Variants in TLE6 observed in about 807,000 individuals in gnomAD.
TLE6 encodes TLE family member 6, subcortical maternal complex member.
A neutral mutation model predicts 77.1 loss-of-function variants in TLE6; 72 were observed. The ratio of observed to expected loss-of-function variants is 0.93; its 90% CI spans 0.77 to 1.14. TLE6 has a LOEUF of 1.14. TLE6 is among the 50% of genes most tolerant of loss of function. The pLI, the probability that TLE6 is intolerant of heterozygous loss-of-function variation, is 0.00. For synonymous variants in TLE6, 366 were observed against 287.3 expected (o/e 1.27, Z -2.77); for missense variants, 843 against 747.6 (o/e 1.13, Z -1.49).
chr19:2,994,234 G>A, intron 16 of TLE6, 139 bp downstream of exon 16: 1 of 675,500 alleles, frequency 1.5e-6, no homozygotes, highest in Non-Finnish European at 2.5e-6. Context: ...CCAGCATTTT[G>A]GGAGGCTGAG....
chr19:2,991,044 ATATG>A (rs1160486456), intron 13 of TLE6, among the ~76,000 whole-genome samples: 15 of 149,212 alleles, frequency 1.0e-4, no homozygotes, highest in South Asian at 8.4e-4. Context: ...ATACATACAT[ATATG>A]TATACACACA....
Position 2,979,889 on chromosome 19 carries a change from G to A in TLE6, c.52-211G>A, listed in dbSNP as rs1481784299. ...TGAGGCAGGAGAATCGCTTGAACCC[G>A]GGAGGCAGAGTTTGCAGTGAGCTGA... On this transcript the variant is annotated intron_variant, in intron 2 of 16. Transcript: ENST00000246112. Among the ~76,000 whole-genome samples the A allele has an allele frequency of 1.1e-4, 16 of 150,560 alleles. No individual in the cohort carries two copies. In the Admixed American group the frequency reaches 1.1e-3, roughly 10 times the overall value.
At chr19:2,991,087 G>C (rs1236437374) in intron 13 of TLE6, among the ~76,000 whole-genome samples, 2 of 150,886 alleles carry the variant, frequency 1.3e-5, no homozygotes, top group African/African-American at 4.9e-5. Context: ...AAATAGGCTG[G>C]GCATGGTGGC....
chr19:2,985,042 G>A (rs1405545355), intron 5 of TLE6, among the ~76,000 whole-genome samples: 1 of 151,766 alleles, frequency 6.6e-6, no homozygotes, highest in Non-Finnish European at 1.5e-5. Flanking sequence ...CCTGACGTCA[G>A]GAGTTCGAGA....
At chr19:2,983,132 A>G (rs1376882135) in intron 5 of TLE6, among the ~76,000 whole-genome samples, 1 of 152,112 alleles carries the variant, frequency 6.6e-6, no homozygotes. Context: ...GCAACTTAGC[A>G]GGGCCTGGGA....
chr19:2,994,320 A>G (rs538786475), intron 16 of TLE6, among the ~76,000 whole-genome samples: 6 of 152,002 alleles, frequency 3.9e-5, no homozygotes, highest in Non-Finnish European at 8.8e-5. Context: ...TACAAAAAAT[A>G]ATTAGCTGAG....
chr19:2,993,324 A>G, intron 14 of TLE6, 108 bp from the exon 15 acceptor site: 1 of 1,196,792 alleles, frequency 8.4e-7, no homozygotes, highest in Non-Finnish European at 1.1e-6. Context: ...CACAGCTAGG[A>G]AGGGGTCAGT....
chr19:2,987,172 C>T lies in TLE6; in HGVS notation c.475C>T (p.Leu159=). Residue 159 remains leucine, a synonymous_variant, in exon 7 of 17, where the codon CTG becomes TTG. Coordinates refer to ENST00000246112, the MANE Select transcript of TLE6 (RefSeq NM_001143986.2). The part of the protein sequence containing the change: ...DKEPWFWHDT[L]TEQLWRIFAG... ...GGAGCCTTGGTTTTGGCACGACACT[C>T]TGACCGAGCAACTCTGGCGGATTTT... 6.2e-7 allele frequency: 1 copy of T among 1,614,106 alleles called. No individual in the cohort carries two copies. Among genetic ancestry groups the T allele is most frequent in the Non-Finnish European group, 8.5e-7 (1 of 1,180,034 alleles).
At chr19:2,979,557 A>T (rs114257226) in intron 2 of TLE6, among the ~76,000 whole-genome samples, 5,758 of 151,962 alleles carry the variant, frequency 0.038, 391 homozygotes, top group African/African-American at 0.13. Flanking sequence ...TTTTATTTTT[A>T]AAAATATTTT....
rs780132274 is a variant in TLE6, at chr19:2,988,158, G to A, written c.740+30G>A. The A allele has an allele frequency of 4.1e-5, 64 of 1,549,758 alleles. 1 individual carries two copies. In the South Asian group the frequency reaches 5.1e-4, roughly 12 times the overall value. On this transcript the variant is annotated intron_variant, in intron 11 of 16. Coordinates refer to ENST00000246112, the MANE Select transcript of TLE6 (RefSeq NM_001143986.2). Reference sequence around the variant, plus strand: ...GTGTCTGCACTGTTTGCTTTTGGGCGGGGTGAGGGGCAGCGGGAATTCCTT... The same window carrying A: ...GTGTCTGCACTGTTTGCTTTTGGGCAGGGTGAGGGGCAGCGGGAATTCCTT...
chr19:2,986,067 GTC>G (rs1311158091), intron 5 of TLE6, among the ~76,000 whole-genome samples: 1 of 70,870 alleles, frequency 1.4e-5, no homozygotes, highest in African/African-American at 5.0e-5. Flanking sequence ...GCGTGAGACT[GTC>G]TCAAAAAAAA....
intron 14 of TLE6, 136 bp from the exon 15 acceptor site, chr19:2,993,296 T>C (rs2089126492): frequency 1.2e-6 from 1 of 808,826 alleles, no homozygotes. Flanking sequence ...AGATACGAAG[T>C]TGCTTGTCCC....
chr19:2,980,030 A>T (rs2088764966), intron 2 of TLE6, 70 bp from the exon 3 acceptor site: 14 of 1,098,800 alleles, frequency 1.3e-5, no homozygotes, highest in South Asian at 2.7e-5. Context: ...TGCCATGTTG[A>T]GGTGGAGACC....
At chr19:2,984,371 G>C (rs2145031023) in intron 5 of TLE6, 1 of 152,172 alleles carries the variant, frequency 6.6e-6, no homozygotes, top group East Asian at 1.9e-4. Flanking sequence ...CCGATGGAGG[G>C]TCTCCCCTCC....
intron 5 of TLE6, 101 bp from the exon 6 acceptor site, chr19:2,986,728 A>AT (rs2088919590): frequency 3.1e-5 from 37 of 1,213,076 alleles, no homozygotes; most frequent in East Asian, 1.3e-4. Flanking sequence ...AAACAAGTAG[A>AT]TTGATATACC....
chr19:2,983,442 A>G (rs1599154132), intron 5 of TLE6, among the ~76,000 whole-genome samples: 1 of 152,084 alleles, frequency 6.6e-6, no homozygotes, highest in African/African-American at 2.4e-5. Context: ...GCATGCGAGA[A>G]GGTGACATCT....
chr19:2,983,064 G>A (rs962022941), intron 5 of TLE6, among the ~76,000 whole-genome samples: 5 of 152,230 alleles, frequency 3.3e-5, no homozygotes, highest in East Asian at 3.9e-4. Flanking sequence ...TCTCCCAGGC[G>A]CTGGCAGGAT....
intron 2 of TLE6, among the ~76,000 whole-genome samples, chr19:2,979,832 C>T (rs910264229): frequency 6.7e-5 from 10 of 148,960 alleles, no homozygotes; most frequent in African/African-American, 1.5e-4. Context: ...GAGGGGGGCG[C>T]GGGCGCATGT....
intron 5 of TLE6, among the ~76,000 whole-genome samples, chr19:2,982,753 C>G (rs1336665104): frequency 6.6e-6 from 1 of 152,032 alleles, no homozygotes; most frequent in Admixed American, 6.6e-5. Context: ...ATCTCCTGTC[C>G]TGTCTCTGAG....
Sources: allele counts gnomAD v4.1 joint callset (sites outside exome capture counted in the v4.1 genomes callset), GRCh38; gene constraint gnomAD v4.1.1; transcripts MANE v1.5; gene names NCBI Gene and HGNC (gene_info 2026-07-23, HGNC 2026-07-21).